Variants in HMGCS2 observed in about 807,000 individuals in gnomAD.
HMGCS2 encodes hydroxymethylglutaryl-CoA synthase, mitochondrial.
In HMGCS2, 50 loss-of-function variants were observed where a neutral mutation model predicts 57.4. The ratio of observed to expected loss-of-function variants is 0.87; its 90% CI spans 0.69 to 1.10. The LOEUF (loss-of-function observed/expected upper bound fraction) is 1.10. HMGCS2 is among the 50% of genes least tolerant of loss of function. HMGCS2 has a pLI of 0.00. For synonymous variants in HMGCS2, 254 were observed against 245.1 expected, an observed-to-expected ratio of 1.04 and a Z score of -0.34; for missense variants, 627 against 636.5, an observed-to-expected ratio of 0.99 and a Z score of 0.16.
chr1:119,767,948 T>C (rs995677033), intron 1 of HMGCS2, among the ~76,000 whole-genome samples: 1 of 152,220 alleles, frequency 6.6e-6, no homozygotes, highest in Non-Finnish European at 1.5e-5. Flanking sequence ...TGCACATCTA[T>C]ACACCCAGGT....
chr1:119,764,189 T>G lies in HMGCS2; in HGVS notation c.542A>C (p.Glu181Ala), dbSNP rs1384449317. ...ASLFNAANWM[E>A]SSSWDGRYAM... ...GTACATACCATCCCAGGAACTGGACTCCATCCAGTTGGCAGCATTGAAGAG... is the reference window on the plus strand; with the variant it reads ...GTACATACCATCCCAGGAACTGGACGCCATCCAGTTGGCAGCATTGAAGAG... The change falls in exon 2 of 10, where the codon GAG (glutamate) becomes GCG (alanine). Residue 181 changes from glutamate (E) to alanine (A), a missense_variant. Coordinates refer to ENST00000369406, the MANE Select transcript of HMGCS2 (RefSeq NM_005518.4). 1 of 1,612,696 alleles carries G rather than the reference T, an allele frequency of 6.2e-7. No individual in the cohort carries two copies. Among genetic ancestry groups the G allele is most frequent in the Non-Finnish European group, 8.5e-7 (1 of 1,179,472 alleles).
chr1:119,766,776 G>A (rs1303282134), intron 1 of HMGCS2, among the ~76,000 whole-genome samples: 1 of 151,952 alleles, frequency 6.6e-6, no homozygotes, highest in East Asian at 1.9e-4. Flanking sequence ...ATCAAAGCTT[G>A]CAAGAAGAAG....
intron 9 of HMGCS2, among the ~76,000 whole-genome samples, chr1:119,749,352 C>T (rs79296520): frequency 6.6e-6 from 1 of 151,524 alleles, no homozygotes; most frequent in African/African-American, 2.4e-5. Flanking sequence ...TCTCTCTCCC[C>T]CTCCCGCTGA....
At chr1:119,753,446 C>CACAT (rs397981515) in intron 6 of HMGCS2, 60 bp from the exon 7 acceptor site, 9 of 580,666 alleles carry the variant, frequency 1.5e-5, no homozygotes, top group Non-Finnish European at 2.4e-5. Flanking sequence ...CACACACACA[C>CACAT]ATATATGTAT....
intron 1 of HMGCS2, among the ~76,000 whole-genome samples, chr1:119,768,539 T>A (rs1272468648): frequency 1.3e-5 from 2 of 152,194 alleles, no homozygotes; most frequent in East Asian, 3.8e-4. Flanking sequence ...GTCAGAGGTT[T>A]GGGCTCTTCT....
At chr1:119,762,471 A>C (rs1472496743) in intron 2 of HMGCS2, among the ~76,000 whole-genome samples, 1 of 151,388 alleles carries the variant, frequency 6.6e-6, no homozygotes. Flanking sequence ...ACAAGAAAAC[A>C]TGGGGACTCC....
intron 1 of HMGCS2, among the ~76,000 whole-genome samples, chr1:119,766,269 A>G (rs1653224798): frequency 6.6e-6 from 1 of 152,252 alleles, no homozygotes; most frequent in African/African-American, 2.4e-5. Context: ...ACACACTGGT[A>G]AAGTGATGCA....
intron 5 of HMGCS2, among the ~76,000 whole-genome samples, chr1:119,755,915 T>A (rs1163956627): frequency 3.3e-5 from 5 of 151,256 alleles, no homozygotes; most frequent in African/African-American, 1.2e-4. Flanking sequence ...ATATATATTT[T>A]TTTTCCATGA....
intron 8 of HMGCS2, among the ~76,000 whole-genome samples, chr1:119,751,437 G>C (rs1435057691): frequency 1.3e-5 from 2 of 150,822 alleles, no homozygotes; most frequent in Non-Finnish European, 2.9e-5. Flanking sequence ...TGTGATCTCA[G>C]TTCACTGCAT....
intron 6 of HMGCS2, 33 bp from the exon 7 acceptor site, chr1:119,753,419 A>G: frequency 1.3e-6 from 1 of 774,454 alleles, no homozygotes; most frequent in Non-Finnish European, 2.3e-6. Context: ...AAACACACAC[A>G]CACACACACA....
At chr1:119,768,411 TA>T (rs1653309747) in intron 1 of HMGCS2, among the ~76,000 whole-genome samples, 1 of 152,154 alleles carries the variant, frequency 6.6e-6, no homozygotes, top group South Asian at 2.1e-4. Flanking sequence ...AGGCAGAGGC[TA>T]GGGGTGAAGG....
At chr1:119,749,717 A>G (rs745529497) in intron 9 of HMGCS2, among the ~76,000 whole-genome samples, 22 of 152,218 alleles carry the variant, frequency 1.4e-4, no homozygotes, top group Non-Finnish European at 2.9e-4. Context: ...AGGTGGCTGT[A>G]TCTGTGCATC....
chr1:119,751,732 T>C (rs1358362440), intron 8 of HMGCS2, among the ~76,000 whole-genome samples: 3 of 152,140 alleles, frequency 2.0e-5, no homozygotes, highest in Non-Finnish European at 4.4e-5. Context: ...ATTGTCTTTC[T>C]TTGCTATAAC....
At chr1:119,767,504 C>T (rs901020508) in intron 1 of HMGCS2, among the ~76,000 whole-genome samples, 4 of 152,148 alleles carry the variant, frequency 2.6e-5, no homozygotes, top group African/African-American at 7.2e-5. Flanking sequence ...CAAGTCTTAC[C>T]GAATTTTGAA....
chr1:119,750,722 C>A (rs1377617085), intron 9 of HMGCS2, 75 bp downstream of exon 9: 23 of 930,098 alleles, frequency 2.5e-5, no homozygotes, highest in Middle Eastern at 2.1e-4. Context: ...CCTGTCCCCA[C>A]CTTCTCTCTC....
intron 2 of HMGCS2, among the ~76,000 whole-genome samples, chr1:119,760,653 A>G (rs905160154): frequency 6.6e-6 from 1 of 152,226 alleles, no homozygotes; most frequent in African/African-American, 2.4e-5. Context: ...CTAGTATTCA[A>G]TAAATAATTG....
Position 119,766,061 on chromosome 1 carries a change from T to A in HMGCS2, c.105-1435A>T, listed in dbSNP as rs587761164. ...AGTCAGCAGAAGAAGGGAGAGATGA[T>A]CTATTTCTTTTCTGGACCAATTCAC... On this transcript the variant is annotated intron_variant, in intron 1 of 9. Coordinates refer to ENST00000369406, the MANE Select transcript of HMGCS2 (RefSeq NM_005518.4). Among the ~76,000 whole-genome samples, 11 of 152,242 alleles carry A rather than the reference T, an allele frequency of 7.2e-5. 1 individual carries two copies. In the South Asian group the frequency reaches 2.3e-3, roughly 32 times the overall value.
chr1:119,766,447 T>C (rs1653232551), intron 1 of HMGCS2, among the ~76,000 whole-genome samples: 2 of 152,110 alleles, frequency 1.3e-5, no homozygotes, highest in Non-Finnish European at 2.9e-5. Context: ...TTCTAGAGCC[T>C]CTCCCAGCAG....
intron 2 of HMGCS2, among the ~76,000 whole-genome samples, chr1:119,762,794 AT>A (rs587765397): frequency 5.9e-5 from 9 of 152,242 alleles, no homozygotes; most frequent in East Asian, 1.9e-4. Flanking sequence ...TAGATACCAC[AT>A]TTTTTTAAAA....
Sources: gnomAD v4.1 joint callset for allele counts (sites outside exome capture counted in the v4.1 genomes callset) on GRCh38, gnomAD v4.1.1 for gene constraint, MANE v1.5 for transcripts, NCBI Gene and HGNC (gene_info 2026-07-23, HGNC 2026-07-21) for gene names.